The following PKHD1 variants were observed in gnomAD, a reference collection of about 807,000 sequenced individuals.
PKHD1 encodes the protein fibrocystin.
In PKHD1, 291 loss-of-function variants were observed where a neutral mutation model predicts 412.0. That is an observed-to-expected ratio of 0.71 (90% CI 0.64 to 0.78). PKHD1 has a LOEUF of 0.78. Among genes scored for constraint, PKHD1 ranks in the 30% least tolerant of loss-of-function variants. The pLI is 0.00. For synonymous variants in PKHD1, 1,777 were observed against 1,821.5 expected, an observed-to-expected ratio of 0.98 and a Z score of 0.62; for missense variants, 4,825 against 4,950.7, an observed-to-expected ratio of 0.97 and a Z score of 0.76.
intron 60 of PKHD1, chr6:51,739,949 G>T (rs757347103): frequency 1.9e-6 from 1 of 518,406 alleles, no homozygotes; most frequent in East Asian, 5.5e-5. Context: ...TGAGTTTGGA[G>T]CCAGAATGGA....
intron 60 of PKHD1, among the ~76,000 whole-genome samples, chr6:51,701,571 G>C (rs1779405088): frequency 1.3e-5 from 2 of 151,944 alleles, no homozygotes; most frequent in Admixed American, 1.3e-4. Context: ...CTAAAACTGG[G>C]CAGCTAGAGA....
chr6:51,930,017 C>T (rs1012227242), intron 37 of PKHD1, among the ~76,000 whole-genome samples: 8 of 152,146 alleles, frequency 5.3e-5, no homozygotes, highest in Admixed American at 5.2e-4. Context: ...AAAGCTCCAC[C>T]ATCCTGCTCA....
chr6:51,651,825 A>T (rs1771025917), intron 61 of PKHD1, among the ~76,000 whole-genome samples: 1 of 152,108 alleles, frequency 6.6e-6, no homozygotes, highest in African/African-American at 2.4e-5. Flanking sequence ...GCTAGAAGGG[A>T]TGGAGGGAAG....
chr6:52,085,137 T>C lies in PKHD1; in HGVS notation c.-84-120A>G, dbSNP rs1487854535. The C allele has an allele frequency of 7.4e-6, 4 of 544,178 alleles. No homozygotes were observed. The East Asian group carries it at 9.7e-5, about 13-fold the overall frequency. 33.7% of individuals were successfully genotyped at this position (544,178 alleles called of 1,614,324 possible). On this transcript the variant is annotated intron_variant, in intron 1 of 66. Transcript: ENST00000371117. ...TAAACATGGCCTTAGTGTCTTCAAA[T>C]GGAGCCACCATTTTTCCAAGCTCAG...
chr6:51,715,051 C>T (rs527994537), intron 60 of PKHD1, among the ~76,000 whole-genome samples: 3 of 152,008 alleles, frequency 2.0e-5, no homozygotes, highest in Admixed American at 1.3e-4. Flanking sequence ...TAAAAAAAGT[C>T]CACTCCGGCA....
At chr6:51,855,505 T>TA (rs1773131600) in intron 49 of PKHD1, among the ~76,000 whole-genome samples, 1 of 152,220 alleles carries the variant, frequency 6.6e-6, no homozygotes, top group Non-Finnish European at 1.5e-5. Flanking sequence ...AATGCTTTGG[T>TA]AAGGCATTTT....
At chr6:52,061,999 G>A (rs550653342) in intron 14 of PKHD1, among the ~76,000 whole-genome samples, 1 of 152,320 alleles carries the variant, frequency 6.6e-6, no homozygotes, top group East Asian at 1.9e-4. Flanking sequence ...TTAGAATCAT[G>A]ATGCCATCAC....
chr6:51,950,220 A>AAAAAAAAAATAT, intron 36 of PKHD1, among the ~76,000 whole-genome samples: 2 of 98,304 alleles, frequency 2.0e-5, no homozygotes, highest in Non-Finnish European at 3.9e-5. Flanking sequence ...GAAAAAAAAA[A>AAAAAAAAAATAT]ATATATATAT....
intron 60 of PKHD1, among the ~76,000 whole-genome samples, chr6:51,686,462 T>C (rs974389167): frequency 1.3e-5 from 2 of 152,190 alleles, no homozygotes; most frequent in African/African-American, 4.8e-5. Context: ...CAGGTGTTCC[T>C]GTGGCTCAAT....
intron 43 of PKHD1, among the ~76,000 whole-genome samples, chr6:51,893,519 C>G (rs1295520441): frequency 2.6e-5 from 4 of 152,208 alleles, no homozygotes; most frequent in Non-Finnish European, 5.9e-5. Context: ...CCTGGCCCTT[C>G]TTACTCTCAA....
At chr6:51,892,102 T>A (rs1409894116) in intron 43 of PKHD1, among the ~76,000 whole-genome samples, 2 of 152,222 alleles carry the variant, frequency 1.3e-5, no homozygotes, top group East Asian at 3.9e-4. Flanking sequence ...ACAGGATGTT[T>A]TGTTCCTTTG....
chr6:51,904,635 C>T (rs1234496122), intron 41 of PKHD1, among the ~76,000 whole-genome samples: 3 of 152,152 alleles, frequency 2.0e-5, no homozygotes, highest in Non-Finnish European at 4.4e-5. Context: ...AGATTGAGTG[C>T]TTTACCCACC....
chr6:51,739,030 TTA>T (rs550131509), intron 60 of PKHD1, among the ~76,000 whole-genome samples: 1 of 148,582 alleles, frequency 6.7e-6, no homozygotes, highest in African/African-American at 2.4e-5. Context: ...TGTATGTACT[TTA>T]TATATATATA....
rs140599582 is a variant in PKHD1, at chr6:51,829,481, C to T, written c.8302+1380G>A. Among the ~76,000 whole-genome samples, 434 of 152,218 alleles carry T rather than the reference C, an allele frequency of 2.9e-3. 4 individuals are homozygous for T. The highest frequency in any genetic ancestry group is 9.7e-3 in the African/African-American group (403 of 41,530). On this transcript the variant is annotated intron_variant, in intron 52 of 66. Coordinates refer to ENST00000371117, the MANE Select transcript of PKHD1 (RefSeq NM_138694.4). ...GAAAAACCATAGCCCAGGGTGAATC[C>T]GCTGGCTAGATTCATCAAAGAGATG...
At chr6:51,788,154 T>C (rs1446473332) in intron 53 of PKHD1, among the ~76,000 whole-genome samples, 1 of 151,996 alleles carries the variant, frequency 6.6e-6, no homozygotes, top group East Asian at 1.9e-4. Context: ...CTGTACAATG[T>C]AGAGATATGT....
At position 51,658,136 on chromosome 6, in the gene PKHD1, T is replaced by C. The variant is rs577216642; in HGVS notation, c.11174+816A>G. On this transcript the variant is annotated intron_variant, in intron 61 of 66. Coordinates refer to ENST00000371117, the MANE Select transcript of PKHD1 (RefSeq NM_138694.4). ...TAATGTCACTAACATGGTGAAGGTT[T>C]GGTAGTTGACAAAAATATCCAAAAC... Among the ~76,000 whole-genome samples, 18 of 152,236 alleles carry C rather than the reference T, an allele frequency of 1.2e-4. No individual in the cohort carries two copies. The East Asian group carries it at 3.1e-3, about 26-fold the overall frequency.
At chr6:51,623,815 G>A (rs573921169) in intron 66 of PKHD1, among the ~76,000 whole-genome samples, 7 of 152,228 alleles carry the variant, frequency 4.6e-5, no homozygotes, top group Non-Finnish European at 8.8e-5. Flanking sequence ...TCAAACTCCT[G>A]ACCTCAGGTG....
chr6:51,657,357 A>G (rs1200607802), intron 61 of PKHD1, among the ~76,000 whole-genome samples: 1 of 152,120 alleles, frequency 6.6e-6, no homozygotes, highest in Admixed American at 6.6e-5. Context: ...AAACCTTGCT[A>G]ATTCTCATTG....
Position 52,010,329 on chromosome 6 carries a change from G to T in PKHD1, c.5731C>A (p.Arg1911Ser). ...ITVKITEIRKRWGQNTQGNFS... is the reference protein window; with the variant it reads ...ITVKITEIRKSWGQNTQGNFS... The stretch of plus-strand genomic sequence containing the variant: ...TATACCTGAGTGTTCTGGCCCCAGC[G>T]TTTCCGTATCTCAGTAATCTTGACG... Residue 1911 changes from arginine (R) to serine (S), a missense_variant, in exon 35 of 67, where the codon CGC (arginine) becomes AGC (serine). Physicochemically the swap from Arg to Ser is moderately radical, Grantham distance 110. Coordinates refer to ENST00000371117, the MANE Select transcript of PKHD1 (RefSeq NM_138694.4). 6.2e-7 allele frequency: 1 copy of T among 1,613,728 alleles called. No homozygotes were observed. Among genetic ancestry groups the T allele is most frequent in the East Asian group, 2.2e-5 (1 of 44,876 alleles).
Sources: gnomAD v4.1 joint callset for allele counts (sites outside exome capture counted in the v4.1 genomes callset) on GRCh38, gnomAD v4.1.1 for gene constraint, MANE v1.5 for transcripts, NCBI Gene and HGNC (gene_info 2026-07-23, HGNC 2026-07-21) for gene names.